NRK: variants seen among roughly 807,000 people sequenced by gnomAD.
NRK encodes the protein nik-related protein kinase.
NRK carries 67 observed loss-of-function variants against 125.2 expected under a neutral mutation model. The ratio of observed to expected loss-of-function variants is 0.54; its 90% CI spans 0.44 to 0.66. The LOEUF (loss-of-function observed/expected upper bound fraction) is 0.66. NRK is among the 30% of genes least tolerant of loss of function. NRK has a pLI of 0.00. For missense variants in NRK, 1,224 were observed against 1,192.9 expected, an observed-to-expected ratio of 1.03 and a Z score of -0.38; for synonymous variants, 458 against 429.0, an observed-to-expected ratio of 1.07 and a Z score of -0.84.
At chrX:105,865,764 A>C (rs181127827) in intron 2 of NRK, among the ~76,000 whole-genome samples, 1 of 111,359 alleles carries the variant, frequency 9.0e-6, no homozygotes, top group Non-Finnish European at 1.9e-5. Flanking sequence ...GTATCTCTTA[A>C]AGACTTATTT....
intron 2 of NRK, among the ~76,000 whole-genome samples, chrX:105,878,843 T>C (rs186922514): frequency 1.8e-5 from 2 of 111,742 alleles, no homozygotes; most frequent in Non-Finnish European, 3.8e-5. Flanking sequence ...AGTTTCCGTC[T>C]TTCCTGCCTT....
At chrX:105,877,407 G>A (rs1183602464) in intron 2 of NRK, among the ~76,000 whole-genome samples, 1 of 111,394 alleles carries the variant, frequency 9.0e-6, no homozygotes, top group Admixed American at 9.5e-5. Flanking sequence ...TTAAAATTTA[G>A]TTAAGAGTAT....
intron 8 of NRK, 72 bp downstream of exon 8, chrX:105,898,786 A>T: frequency 1.1e-6 from 1 of 904,030 alleles, no homozygotes; most frequent in Non-Finnish European, 1.5e-6. Flanking sequence ...ATTTTTAATG[A>T]TAAAACAAAA....
intron 27 of NRK, among the ~76,000 whole-genome samples, chrX:105,952,511 G>T (rs2040913139): frequency 8.9e-6 from 1 of 112,019 alleles, no homozygotes; most frequent in Non-Finnish European, 1.9e-5. Context: ...ATTAGCTTTG[G>T]TTCTGCTTAC....
intron 16 of NRK, among the ~76,000 whole-genome samples, chrX:105,920,558 CTT>C (rs1461998284): frequency 9.1e-6 from 1 of 109,320 alleles, no homozygotes; most frequent in Non-Finnish European, 1.9e-5. Context: ...TTTGTATCCT[CTT>C]TTATTTCCTT....
chrX:105,898,151 T>C (rs1423639263), intron 7 of NRK, among the ~76,000 whole-genome samples: 1 of 112,173 alleles, frequency 8.9e-6, no homozygotes, highest in Non-Finnish European at 1.9e-5. Context: ...TTTTTATTTA[T>C]CAGTGTGATA....
At chrX:105,842,569 A>C (rs1343077170) in intron 2 of NRK, among the ~76,000 whole-genome samples, 1 of 112,204 alleles carries the variant, frequency 8.9e-6, no homozygotes, top group Non-Finnish European at 1.9e-5. Flanking sequence ...ACATTAAAAA[A>C]CAATTTGTGT....
rs1462998143 is a variant in NRK at position 105,947,432 on chromosome X, G to T, written c.4353+968G>T. 8.2e-4 allele frequency among the ~76,000 whole-genome samples: 31 copies of T among 37,912 alleles called. 1 individual carries two copies. The highest frequency in any genetic ancestry group is 1.1e-3 in the African/African-American group (3 of 2,846). The allele number at this position is 37,912 out of a possible 115,157, so 32.9% of individuals were successfully genotyped here. A position where few individuals can be genotyped will look rare whatever the true frequency, so the allele number is the denominator to read the frequency against. On this transcript the variant is annotated intron_variant, in intron 26 of 28. Coordinates refer to ENST00000243300, the MANE Select transcript of NRK (RefSeq NM_198465.4). Reference sequence around the variant, plus strand: ...CACTCCAGCCTGGGCGACAGAGCGAGACTCCGTCTCAAAAAAAAAAAAAAA... The same window carrying T: ...CACTCCAGCCTGGGCGACAGAGCGATACTCCGTCTCAAAAAAAAAAAAAAA...
intron 2 of NRK, among the ~76,000 whole-genome samples, chrX:105,854,417 C>G (rs761467785): frequency 8.0e-5 from 9 of 111,966 alleles, no homozygotes; most frequent in African/African-American, 2.6e-4. Flanking sequence ...CCTCAAGATA[C>G]AGCCTAAGTT....
intron 28 of NRK, among the ~76,000 whole-genome samples, chrX:105,954,297 C>T (rs2040944066): frequency 9.1e-6 from 1 of 110,224 alleles, no homozygotes; most frequent in Non-Finnish European, 1.9e-5. Context: ...CACTTAAAGC[C>T]CTGCATCCCC....
chrX:105,889,404 G>A (rs2039988313), intron 5 of NRK, among the ~76,000 whole-genome samples: 1 of 111,754 alleles, frequency 8.9e-6, no homozygotes, highest in Non-Finnish European at 1.9e-5. Flanking sequence ...GGCTTTTCCA[G>A]GCACATGGTG....
At chrX:105,861,423 A>C (rs890916331) in intron 2 of NRK, among the ~76,000 whole-genome samples, 2 of 112,121 alleles carry the variant, frequency 1.8e-5, no homozygotes, top group African/African-American at 6.5e-5. Context: ...TGGGCCTTTA[A>C]TATCATATAT....
rs560010331 is a variant in NRK at position 105,890,704 on chromosome X, T to G, written c.378+2285T>G. 5.8e-4 allele frequency among the ~76,000 whole-genome samples: 65 copies of G among 111,432 alleles called. No homozygotes were observed. In the Middle Eastern group the frequency reaches 0.018, roughly 32 times the overall value. On this transcript the variant is annotated intron_variant, in intron 5 of 28. Transcript: ENST00000243300. ...TAATCTCAAATCTCGTGACACTTAT[T>G]CACTATCACTAGAAGAGCACGGGAA...
intron 4 of NRK, among the ~76,000 whole-genome samples, chrX:105,887,567 T>C (rs1356698196): frequency 8.9e-6 from 1 of 112,193 alleles, no homozygotes; most frequent in Non-Finnish European, 1.9e-5. Flanking sequence ...TGACTGTTCA[T>C]AGAAGCATTA....
intron 27 of NRK, among the ~76,000 whole-genome samples, chrX:105,952,463 A>T (rs2040912500): frequency 8.9e-6 from 1 of 112,433 alleles, no homozygotes; most frequent in Non-Finnish European, 1.9e-5. Context: ...AATCTTAATA[A>T]ATATTTCCTG....
intron 2 of NRK, among the ~76,000 whole-genome samples, chrX:105,851,722 T>C (rs1297188291): frequency 9.0e-6 from 1 of 110,717 alleles, no homozygotes; most frequent in Admixed American, 9.7e-5. Context: ...GTAGCACCTC[T>C]GTAAAAGGAG....
At chrX:105,862,896 C>A (rs757216741) in intron 2 of NRK, among the ~76,000 whole-genome samples, 101 of 112,175 alleles carry the variant, frequency 9.0e-4, no homozygotes, top group Non-Finnish European at 1.7e-3. Context: ...TATACTTTAA[C>A]AATTCTTAAA....
chrX:105,904,458 A>G (rs1017718209), intron 9 of NRK, among the ~76,000 whole-genome samples: 3 of 112,230 alleles, frequency 2.7e-5, no homozygotes, highest in Non-Finnish European at 3.8e-5. Flanking sequence ...TTGTTATAAT[A>G]TCAATAGCTG....
intron 2 of NRK, among the ~76,000 whole-genome samples, chrX:105,871,656 C>T (rs1173959714): frequency 1.8e-5 from 2 of 111,148 alleles, no homozygotes; most frequent in South Asian, 7.6e-4. Context: ...TAGGGAGCTG[C>T]CAATCCAGTA....
Sources: allele counts gnomAD v4.1 joint callset (sites outside exome capture counted in the v4.1 genomes callset), GRCh38; gene constraint gnomAD v4.1.1; transcripts MANE v1.5; gene names NCBI Gene and HGNC (gene_info 2026-07-23, HGNC 2026-07-21).